Variants in C21orf91 observed in about 807,000 individuals in gnomAD.
C21orf91 encodes the protein protein EURL homolog.
Under a neutral mutation model 32.9 loss-of-function variants are expected in C21orf91, and 26 were observed. The observed-to-expected ratio is 0.79, with a 90% confidence interval of 0.58 to 1.10. C21orf91 has a LOEUF of 1.10. Ranked by LOEUF, C21orf91 falls within the 50% of genes least tolerant of loss-of-function variation. C21orf91 has a pLI of 0.00. For synonymous variants in C21orf91, 126 were observed against 120.4 expected (o/e 1.05, Z -0.31); for missense variants, 310 against 341.3 (o/e 0.91, Z 0.72).
intron 2 of C21orf91, among the ~76,000 whole-genome samples, chr21:17,805,459 G>A (rs1371334911): frequency 2.6e-5 from 4 of 152,064 alleles, no homozygotes; most frequent in Non-Finnish European, 4.4e-5. Flanking sequence ...GATTACAGGC[G>A]CCTACCACCA....
At chr21:17,810,133 G>A (rs1446732222) in intron 2 of C21orf91, among the ~76,000 whole-genome samples, 2 of 152,076 alleles carry the variant, frequency 1.3e-5, no homozygotes, top group African/African-American at 2.4e-5. Flanking sequence ...TGATAACTCT[G>A]CAACTTTACT....
At chr21:17,817,292 AT>A (rs541714473) in intron 2 of C21orf91, among the ~76,000 whole-genome samples, 7 of 152,182 alleles carry the variant, frequency 4.6e-5, no homozygotes, top group Non-Finnish European at 8.8e-5. Flanking sequence ...CCCCCACTAT[AT>A]TTTTTTAAAC....
At chr21:17,795,447 C>G (rs1249403360) in intron 3 of C21orf91, among the ~76,000 whole-genome samples, 177 bp from the exon 4 acceptor site, 1 of 152,124 alleles carries the variant, frequency 6.6e-6, no homozygotes, top group Non-Finnish European at 1.5e-5. Flanking sequence ...GTTTTCAAAC[C>G]CTGACCACAA....
chr21:17,817,646 C>T (rs1335229185), intron 2 of C21orf91: 2 of 151,546 alleles, frequency 1.3e-5, no homozygotes, highest in African/African-American at 4.9e-5. Context: ...CTTCATATAT[C>T]TTAGGGACAT....
chr21:17,808,061 C>A (rs1440219253), intron 2 of C21orf91, among the ~76,000 whole-genome samples: 1 of 152,202 alleles, frequency 6.6e-6, no homozygotes, highest in Non-Finnish European at 1.5e-5. Context: ...GCCTTGAAGG[C>A]ATTTCAGAGA....
At chr21:17,815,992 C>T (rs1483051691) in intron 2 of C21orf91, among the ~76,000 whole-genome samples, 2 of 152,164 alleles carry the variant, frequency 1.3e-5, no homozygotes, top group African/African-American at 4.8e-5. Context: ...TTGTAATACA[C>T]TAGCTGATCA....
At chr21:17,814,607 G>C (rs2062653349) in intron 2 of C21orf91, among the ~76,000 whole-genome samples, 1 of 152,170 alleles carries the variant, frequency 6.6e-6, no homozygotes, top group East Asian at 1.9e-4. Flanking sequence ...AAGGCAAAGA[G>C]GGAGCCAGCA....
At chr21:17,802,443 C>T (rs901038502) in intron 2 of C21orf91, among the ~76,000 whole-genome samples, 10 of 152,166 alleles carry the variant, frequency 6.6e-5, no homozygotes, top group Admixed American at 5.2e-4. Context: ...TTACATGTGG[C>T]GTGTAATCCT....
intron 2 of C21orf91, among the ~76,000 whole-genome samples, chr21:17,808,754 T>G (rs1382280867): frequency 4.6e-5 from 7 of 152,192 alleles, no homozygotes; most frequent in Non-Finnish European, 1.0e-4. Flanking sequence ...GGACTGTTCA[T>G]AAGGGTGATT....
At position 17,789,413 on chromosome 21, in the gene C21orf91, C is replaced by T. The variant is rs2062455352; in HGVS notation, c.*4002G>A. ...GGTACACACACTTACTAAAATTCCC[C>T]TTTGCTTTAGGTGTAGTTGAGGGAA... On this transcript the variant is annotated 3_prime_UTR_variant, in exon 5 of 5. Coordinates refer to ENST00000284881, the MANE Select transcript of C21orf91 (RefSeq NM_001100420.2). 6.6e-6 allele frequency: 1 copy of T among 152,086 alleles called. No individual in the cohort carries two copies. Among genetic ancestry groups the T allele is most frequent in the Admixed American group, 6.5e-5 (1 of 15,276 alleles). 9.4% of individuals were successfully genotyped at this position (152,086 alleles called of 1,614,324 possible). A position where few individuals can be genotyped will look rare whatever the true frequency, so the allele number is the denominator to read the frequency against.
chr21:17,801,485 T>C (rs2062560577), intron 2 of C21orf91, among the ~76,000 whole-genome samples: 1 of 152,086 alleles, frequency 6.6e-6, no homozygotes, highest in Non-Finnish European at 1.5e-5. Context: ...TTAGCCAGGA[T>C]GGTCTCGATC....
At chr21:17,797,981 T>C (rs1299472536) in intron 2 of C21orf91, among the ~76,000 whole-genome samples, 1 of 152,094 alleles carries the variant, frequency 6.6e-6, no homozygotes, top group African/African-American at 2.4e-5. Flanking sequence ...ATACAGAATA[T>C]ATTCACACAT....
At chr21:17,795,302 C>T (rs1383492333) in intron 3 of C21orf91, 32 bp from the exon 4 acceptor site, 5 of 1,454,632 alleles carry the variant, frequency 3.4e-6, no homozygotes, top group Non-Finnish European at 4.8e-6. Flanking sequence ...ACTATTACCA[C>T]AACAACCTAG....
intron 2 of C21orf91, among the ~76,000 whole-genome samples, chr21:17,805,851 A>G (rs1230538475): frequency 2.0e-5 from 3 of 152,344 alleles, no homozygotes; most frequent in Non-Finnish European, 4.4e-5. Flanking sequence ...TTTTCTGCAT[A>G]AAATTGTCAT....
intron 1 of C21orf91, chr21:17,819,022 T>C (rs901333597): frequency 6.6e-6 from 1 of 152,016 alleles, no homozygotes; most frequent in Non-Finnish European, 1.5e-5. Context: ...GCTCCGGGAT[T>C]CCTCCCAGAG....
intron 2 of C21orf91, among the ~76,000 whole-genome samples, chr21:17,809,658 AT>A (rs1393247390): frequency 3.3e-5 from 5 of 152,150 alleles, no homozygotes; most frequent in Admixed American, 6.5e-5. Flanking sequence ...ACATTCCAAT[AT>A]GCTATATAAT....
chr21:17,793,446 C>A lies in C21orf91; in HGVS notation c.863G>T (p.Gly288Val). The A allele has an allele frequency of 6.2e-7, 1 of 1,612,166 alleles. No homozygotes were observed. The stretch of plus-strand genomic sequence containing the variant: ...GTTTATGGGTAGGTGCGACTTCATT[C>A]CTGTTCGCCCTACTTGCAGACATGG... ...KLPCLQVGRTGMKSHLPINN is the reference protein window; with the variant it reads ...KLPCLQVGRTVMKSHLPINN The change falls in exon 5 of 5, where the codon GGA becomes GTA. Residue 288 changes from glycine (G) to valine (V), a missense_variant. Coordinates refer to ENST00000284881, the MANE Select transcript of C21orf91 (RefSeq NM_001100420.2).
intron 2 of C21orf91, among the ~76,000 whole-genome samples, chr21:17,808,483 G>A (rs1427064582): frequency 6.6e-6 from 1 of 152,214 alleles, no homozygotes; most frequent in South Asian, 2.1e-4. Context: ...CCCCATTGTG[G>A]CACTGCCTAG....
At chr21:17,808,526 G>C (rs57210350) in intron 2 of C21orf91, among the ~76,000 whole-genome samples, 5 of 152,218 alleles carry the variant, frequency 3.3e-5, no homozygotes, top group Admixed American at 3.3e-4. Context: ...CCGTCCTCCA[G>C]ACTCCAGAAT....
Sources: gnomAD v4.1 joint callset for allele counts (sites outside exome capture counted in the v4.1 genomes callset) on GRCh38, gnomAD v4.1.1 for gene constraint, MANE v1.5 for transcripts, NCBI Gene and HGNC (gene_info 2026-07-23, HGNC 2026-07-21) for gene names.